The following IGSF21 variants were observed in gnomAD, a reference collection of about 807,000 sequenced individuals.
The protein encoded by IGSF21 is immunoglobin superfamily member 21, also known as immunoglobulin superfamily member 21.
In IGSF21, 28 loss-of-function variants were observed where a neutral mutation model predicts 46.8. The ratio of observed to expected loss-of-function variants is 0.60; its 90% CI spans 0.44 to 0.82. IGSF21 has a LOEUF of 0.82. Ranked by LOEUF, IGSF21 falls within the 40% of genes least tolerant of loss-of-function variation. IGSF21 has a pLI of 0.00. For missense variants in IGSF21, 624 were observed against 665.5 expected, an observed-to-expected ratio of 0.94 and a Z score of 0.69; for synonymous variants, 284 against 273.6, an observed-to-expected ratio of 1.04 and a Z score of -0.38.
intron 3 of IGSF21, among the ~76,000 whole-genome samples, chr1:18,330,564 C>T (rs1476024290): frequency 1.4e-5 from 2 of 142,214 alleles, no homozygotes; most frequent in East Asian, 4.1e-4. Context: ...GGGGCAGGGG[C>T]GTGGGAGAAG....
At chr1:18,231,327 A>C (rs2084623957) in intron 2 of IGSF21, among the ~76,000 whole-genome samples, 1 of 152,238 alleles carries the variant, frequency 6.6e-6, no homozygotes, top group Non-Finnish European at 1.5e-5. Flanking sequence ...CATAGGGATC[A>C]CCTAACCTTG....
chr1:18,164,472 C>T (rs188616226), intron 1 of IGSF21, among the ~76,000 whole-genome samples: 2 of 151,928 alleles, frequency 1.3e-5, no homozygotes, highest in East Asian at 1.9e-4. Flanking sequence ...ATAAATTGCC[C>T]TCTACAGAGG....
chr1:18,317,099 G>T (rs1486053568), intron 3 of IGSF21, among the ~76,000 whole-genome samples: 1 of 152,146 alleles, frequency 6.6e-6, no homozygotes, highest in African/African-American at 2.4e-5. Flanking sequence ...TCATTGACCA[G>T]TGCCTGCCCC....
At chr1:18,123,923 G>A (rs369770497) in intron 1 of IGSF21, among the ~76,000 whole-genome samples, 1 of 152,164 alleles carries the variant, frequency 6.6e-6, no homozygotes, top group East Asian at 1.9e-4. Context: ...TGGCATTCAC[G>A]GAGGCCTGGA....
At chr1:18,342,021 AT>A in intron 4 of IGSF21, among the ~76,000 whole-genome samples, 1 of 147,372 alleles carries the variant, frequency 6.8e-6, no homozygotes, top group East Asian at 2.0e-4. Flanking sequence ...TGTTCTACTG[AT>A]TTTTATTAAG....
chr1:18,108,165 CT>C lies in IGSF21; in HGVS notation c.38del (p.Leu13ArgfsTer14). On this transcript the variant is annotated frameshift_variant, in exon 1 of 10. Transcript: ENST00000251296. LOFTEE classifies it high-confidence loss of function. ...TAPSLRRCVC[L>X]LLAAILDLAR... ...CCCGAGCCTCCGCCGCTGCGTCTGC[CT>C]GCTGCTCGCCGCGATCCTGGACCTG... 1 of 1,448,300 alleles carries C rather than the reference CT, an allele frequency of 6.9e-7. No homozygotes were observed. Among genetic ancestry groups the C allele is most frequent in the South Asian group, 1.3e-5 (1 of 75,012 alleles). The allele number at this position is 1,448,300 out of a possible 1,614,324, so 89.7% of individuals were successfully genotyped here.
Position 18,355,575 on chromosome 1 carries a change from A to C in IGSF21, c.425-6540A>C, listed in dbSNP as rs182875142. 2.2e-4 allele frequency among the ~76,000 whole-genome samples: 33 copies of C among 151,816 alleles called. No homozygotes were observed. In the East Asian group the frequency reaches 5.6e-3, roughly 26 times the overall value. Reference sequence around the variant, plus strand: ...CGATGCTAGAAAAAATTATTCATGGAAACTTCTAGCAGCAATTCTCTCCCC... The same window carrying C: ...CGATGCTAGAAAAAATTATTCATGGCAACTTCTAGCAGCAATTCTCTCCCC... On this transcript the variant is annotated intron_variant, in intron 4 of 9. Coordinates refer to ENST00000251296, the MANE Select transcript of IGSF21 (RefSeq NM_032880.5).
intron 4 of IGSF21, among the ~76,000 whole-genome samples, chr1:18,339,444 C>G (rs1290855624): frequency 6.6e-6 from 1 of 152,184 alleles, no homozygotes; most frequent in African/African-American, 2.4e-5. Context: ...CTCAAAAACT[C>G]CGATGGTCCT....
Position 18,362,010 on chromosome 1 carries a change from C to T in IGSF21, c.425-105C>T, listed in dbSNP as rs541342721. On this transcript the variant is annotated intron_variant, in intron 4 of 9. Transcript: ENST00000251296. ...GAGTTTGGCAACACCTGCCCTCCCC[C>T]ACCCCCGGCACCCAGCATGGACGTG... 16 of 742,322 alleles carry T rather than the reference C, an allele frequency of 2.2e-5. No homozygotes were observed. The South Asian group carries it at 2.8e-4, about 13-fold the overall frequency. 46.0% of individuals were successfully genotyped at this position (742,322 alleles called of 1,614,324 possible). A position where few individuals can be genotyped will look rare whatever the true frequency, so the allele number is the denominator to read the frequency against.
At chr1:18,159,241 A>C (rs559994610) in intron 1 of IGSF21, among the ~76,000 whole-genome samples, 1 of 152,354 alleles carries the variant, frequency 6.6e-6, no homozygotes, top group East Asian at 1.9e-4. Context: ...TTGTCTGCTG[A>C]AGATGCTCCA....
rs760448516 is a variant in IGSF21 at position 18,273,039 on chromosome 1, C to CTTTT, written c.184-18805_184-18802dup. On this transcript the variant is annotated intron_variant, in intron 2 of 9. Coordinates refer to ENST00000251296, the MANE Select transcript of IGSF21 (RefSeq NM_032880.5). ...CTTCTCCACTAGCAGCCAGACGGAT[C>CTTTT]TTTTTTTTTTTTTTTTTTTTTTTTT... Among the ~76,000 whole-genome samples, 575 of 80,710 alleles carry CTTTT rather than the reference C, an allele frequency of 7.1e-3. 53 individuals are homozygous for CTTTT. The highest frequency in any genetic ancestry group is 0.029 in the African/African-American group (545 of 18,696). 52.9% of individuals were successfully genotyped at this position (80,710 alleles called of 152,430 possible).
At chr1:18,312,323 G>A (rs537192178) in intron 3 of IGSF21, among the ~76,000 whole-genome samples, 9 of 152,328 alleles carry the variant, frequency 5.9e-5, no homozygotes, top group South Asian at 4.1e-4. Context: ...GAGATAGGTC[G>A]TGCTTAGCTA....
intron 2 of IGSF21, among the ~76,000 whole-genome samples, chr1:18,241,790 T>A (rs1474519795): frequency 6.6e-6 from 1 of 152,210 alleles, no homozygotes; most frequent in Non-Finnish European, 1.5e-5. Context: ...CATACAGGAA[T>A]CACAAGATGC....
chr1:18,300,849 C>T (rs1050484165), intron 3 of IGSF21, among the ~76,000 whole-genome samples: 6 of 152,124 alleles, frequency 3.9e-5, no homozygotes, highest in Non-Finnish European at 8.8e-5. Flanking sequence ...TTTGTCAGGT[C>T]CCAGAGCAAC....
At chr1:18,239,608 T>C (rs2084705897) in intron 2 of IGSF21, among the ~76,000 whole-genome samples, 1 of 152,174 alleles carries the variant, frequency 6.6e-6, no homozygotes, top group Non-Finnish European at 1.5e-5. Context: ...ATTCGAATCA[T>C]ATGGCTGATT....
intron 3 of IGSF21, among the ~76,000 whole-genome samples, chr1:18,305,968 T>A (rs1469595440): frequency 6.6e-6 from 1 of 152,188 alleles, no homozygotes; most frequent in Non-Finnish European, 1.5e-5. Flanking sequence ...AGAGCTATAG[T>A]TTTCTTTCCA....
intron 1 of IGSF21, among the ~76,000 whole-genome samples, chr1:18,208,548 A>ATTTTTT (rs10601446): frequency 1.4e-3 from 118 of 85,716 alleles, no homozygotes; most frequent in Non-Finnish European, 1.8e-3. Flanking sequence ...AGCCCAGCTA[A>ATTTTTT]TTTTTTTTTT....
At position 18,335,707 on chromosome 1, in the gene IGSF21, G is replaced by A. The variant is rs572791007; in HGVS notation, c.424+697G>A. 1.2e-4 allele frequency among the ~76,000 whole-genome samples: 18 copies of A among 152,254 alleles called. No homozygotes were observed. In the South Asian group the frequency reaches 1.2e-3, roughly 11 times the overall value. ...CTTGACTCCAGACTCTGTGTTCTCC[G>A]GTTTTCTTATCAAATAATACGTATC... On this transcript the variant is annotated intron_variant, in intron 4 of 9. Transcript: ENST00000251296. This position sits in a 1 kb window ranked among gnomAD's most constrained non-coding sequence, Gnocchi z 4.8.
chr1:18,250,496 CA>C (rs1001185586), intron 2 of IGSF21, among the ~76,000 whole-genome samples: 8 of 152,186 alleles, frequency 5.3e-5, no homozygotes, highest in African/African-American at 1.9e-4. Context: ...CCTGGCCACC[CA>C]CCCGTCACCC....
Sources: allele counts gnomAD v4.1 joint callset (sites outside exome capture counted in the v4.1 genomes callset), GRCh38; gene constraint gnomAD v4.1.1; non-coding constraint Gnocchi (gnomAD v3.1); transcripts MANE v1.5; gene names NCBI Gene and HGNC (gene_info 2026-07-23, HGNC 2026-07-21).